ABCB10: variants seen among roughly 807,000 people sequenced by gnomAD.
ABCB10 encodes ATP-binding cassette sub-family B member 10, mitochondrial.
A neutral mutation model predicts 65.4 loss-of-function variants in ABCB10; 54 were observed. The ratio of observed to expected loss-of-function variants is 0.83; its 90% confidence interval spans 0.66 to 1.04. ABCB10 has a LOEUF of 1.04. Ranked by LOEUF, ABCB10 falls within the 50% of genes least tolerant of loss-of-function variation. The probability of loss-of-function intolerance (pLI) is 0.00; values close to 1 mark genes in which losing one functional copy is unlikely to be tolerated. For synonymous variants in ABCB10, 418 were observed against 406.5 expected, an observed-to-expected ratio of 1.03 and a Z score of -0.34; for missense variants, 846 against 976.6, an observed-to-expected ratio of 0.87 and a Z score of 1.78.
intron 6 of ABCB10, among the ~76,000 whole-genome samples, chr1:229,533,106 C>G (rs1468165785): frequency 3.3e-5 from 5 of 152,046 alleles, no homozygotes; most frequent in African/African-American, 1.2e-4. Flanking sequence ...CGTCCCTGGT[C>G]TCTAGCCATC....
At chr1:229,549,561 T>C (rs1200468607) in intron 1 of ABCB10, 127 bp from the exon 2 acceptor site, 16 of 897,564 alleles carry the variant, frequency 1.8e-5, no homozygotes, top group Non-Finnish European at 2.6e-5. Context: ...CTCTAGCAGT[T>C]TCCTCCCTTT....
intron 1 of ABCB10, among the ~76,000 whole-genome samples, chr1:229,554,948 C>A (rs1158199904): frequency 1.3e-5 from 2 of 152,198 alleles, no homozygotes; most frequent in Non-Finnish European, 2.9e-5. Context: ...GCAAAAGCTG[C>A]CAGCAGGCTT....
In ABCB10 at chr1:229,540,671, T is replaced by A; in HGVS notation, c.1138A>T (p.Lys380Ter). Residue 380 changes from lysine to a stop codon, truncating the protein, a stop_gained, in exon 5 of 13, where the codon AAA becomes TAA. Coordinates refer to ENST00000344517, the MANE Select transcript of ABCB10 (RefSeq NM_012089.3). LOFTEE classifies it high-confidence loss of function. ...GCTAACTGCATTACATGGTCCACTT[T>A]GCTGGCATATTTCTCGATTTCAGTC... ...EMTEIEKYAS[K>*]VDHVMQLARK... 6.2e-7 allele frequency: 1 copy of A among 1,613,022 alleles called. No individual in the cohort carries two copies. Among genetic ancestry groups the A allele is most frequent in the East Asian group, 2.2e-5 (1 of 44,878 alleles).
chr1:229,548,596 G>C (rs960490654), intron 2 of ABCB10, among the ~76,000 whole-genome samples: 1 of 152,128 alleles, frequency 6.6e-6, no homozygotes, highest in Non-Finnish European at 1.5e-5. Flanking sequence ...CATGTAAATG[G>C]GTTTCTGAAG....
In ABCB10 at chr1:229,531,636, C is replaced by T. The variant is rs192614060; in HGVS notation, c.1435G>A (p.Glu479Lys). 5.4e-5 allele frequency: 87 copies of T among 1,613,632 alleles called. No individual in the cohort carries two copies. Among genetic ancestry groups the T allele is most frequent in the South Asian group, 2.1e-4 (19 of 91,048 alleles). Residue 479 changes from glutamate (E) to lysine (K), a missense_variant and splice_region_variant, in exon 7 of 13, where the codon GAG (glutamate) becomes AAG (lysine). Physicochemically the swap from Glu to Lys is moderately conservative, Grantham distance 56 (BLOSUM62 1). This residue lies in a region of ABCB10 where 632 missense variants were observed against 803.2 expected (regional missense o/e 0.79). Coordinates refer to ENST00000344517, the MANE Select transcript of ABCB10 (RefSeq NM_012089.3). ...GCAAAGAAACAATTTTCAGACCCAC[C>T]GTTAAAAGGCAGCTTGGGCTCTCTC... The part of the protein sequence containing the change: ...LEREPKLPFN[E>K]GVILNEKSFQ...
intron 10 of ABCB10, among the ~76,000 whole-genome samples, chr1:229,524,432 G>A (rs1160111101): frequency 6.6e-6 from 1 of 152,006 alleles, no homozygotes; most frequent in Non-Finnish European, 1.5e-5. Flanking sequence ...CAGAGTGCTA[G>A]GACTACAGGC....
intron 3 of ABCB10, among the ~76,000 whole-genome samples, chr1:229,543,371 T>C (rs1362026969): frequency 6.6e-6 from 1 of 152,204 alleles, no homozygotes; most frequent in East Asian, 1.9e-4. Flanking sequence ...ATTTGGTGAT[T>C]GTACTTTCAA....
chr1:229,556,598 G>A (rs1391968651), intron 1 of ABCB10, among the ~76,000 whole-genome samples: 3 of 152,158 alleles, frequency 2.0e-5, no homozygotes, highest in Non-Finnish European at 2.9e-5. Flanking sequence ...GATATCTGGG[G>A]ACAGAGTGAG....
At position 229,525,972 on chromosome 1, in the gene ABCB10, T is replaced by C. The variant is rs1312813336; in HGVS notation, c.1870A>G (p.Asn624Asp). The change falls in exon 10 of 13, where the codon AAC becomes GAC. Residue 624 changes from asparagine to aspartate, a missense_variant. Transcript: ENST00000344517. ...AFIRNFPQGF[N>D]TVVGEKGVLL... Reference sequence around the variant, plus strand: ...ACACCCTTTTCTCCAACCACAGTGTTGAACCCTTGGGGGAAATTCCGGATG... The same window carrying C: ...ACACCCTTTTCTCCAACCACAGTGTCGAACCCTTGGGGGAAATTCCGGATG... The C allele has an allele frequency of 2.5e-6, 4 of 1,614,212 alleles. No homozygotes were observed. The highest frequency in any genetic ancestry group is 4.5e-5 in the East Asian group (2 of 44,880).
At chr1:229,525,291 C>G (rs1662413517) in intron 10 of ABCB10, among the ~76,000 whole-genome samples, 1 of 152,142 alleles carries the variant, frequency 6.6e-6, no homozygotes, top group African/African-American at 2.4e-5. Context: ...GGCAAATCAT[C>G]CTGCCACTTC....
chr1:229,532,067 C>A (rs557267978), intron 6 of ABCB10, among the ~76,000 whole-genome samples: 1 of 151,790 alleles, frequency 6.6e-6, no homozygotes, highest in Non-Finnish European at 1.5e-5. Flanking sequence ...ATTCTCCTGC[C>A]TTAGCCTCCC....
At position 229,522,858 on chromosome 1, in the gene ABCB10, T is replaced by TTC. The variant is rs1173248651; in HGVS notation, c.1907-1224_1907-1223insGA. 1.4e-4 allele frequency among the ~76,000 whole-genome samples: 21 copies of TTC among 152,300 alleles called. No homozygotes were observed. The East Asian group carries it at 3.7e-3, about 27-fold the overall frequency. On this transcript the variant is annotated intron_variant, in intron 10 of 12. Transcript: ENST00000344517. Reference sequence around the variant, plus strand: ...TCCCACATTATAGCAATTCTTTTTTTATTTTTTTTGAGACAAGAGTCTTGC... The same window carrying TTC: ...TCCCACATTATAGCAATTCTTTTTTTTCATTTTTTTTGAGACAAGAGTCTTGC...
chr1:229,531,946 AGTTT>A, intron 6 of ABCB10: 1 of 219,736 alleles, frequency 4.6e-6, no homozygotes, highest in Non-Finnish European at 8.4e-6. Context: ...CCAGTTTCAT[AGTTT>A]TTTTTTTTTT....
intron 3 of ABCB10, among the ~76,000 whole-genome samples, chr1:229,543,196 A>ATT: frequency 6.6e-6 from 1 of 152,070 alleles, no homozygotes; most frequent in African/African-American, 2.4e-5. Flanking sequence ...GGACACAACT[A>ATT]ACAAGTCGAA....
chr1:229,550,681 T>C (rs1571978567), intron 1 of ABCB10, among the ~76,000 whole-genome samples: 4 of 147,864 alleles, frequency 2.7e-5, no homozygotes, highest in African/African-American at 1.0e-4. Context: ...GGTGAAACCC[T>C]GTCTCTACTA....
chr1:229,547,974 C>A (rs1289219093), intron 2 of ABCB10, among the ~76,000 whole-genome samples: 1 of 151,778 alleles, frequency 6.6e-6, no homozygotes, highest in Non-Finnish European at 1.5e-5. Context: ...ATAAATATAA[C>A]ATGACTCAGA....
chr1:229,535,728 TC>T, intron 6 of ABCB10, among the ~76,000 whole-genome samples: 1 of 144,392 alleles, frequency 6.9e-6, no homozygotes, highest in East Asian at 2.0e-4. Context: ...CAATGTAGGC[TC>T]TTTTTTTTTT....
chr1:229,553,594 T>G (rs1421858540), intron 1 of ABCB10, among the ~76,000 whole-genome samples: 1 of 151,834 alleles, frequency 6.6e-6, no homozygotes, highest in Non-Finnish European at 1.5e-5. Context: ...TGGTTGGATG[T>G]GAGCATTTTT....
chr1:229,539,241 A>ATCCCCAAACT (rs1662786875), intron 6 of ABCB10, among the ~76,000 whole-genome samples: 1 of 152,214 alleles, frequency 6.6e-6, no homozygotes, highest in Non-Finnish European at 1.5e-5. Context: ...GCCTGCAAAG[A>ATCCCCAAACT]TCCCCAAACT....
Sources: allele counts gnomAD v4.1 joint callset (sites outside exome capture counted in the v4.1 genomes callset), GRCh38; gene constraint gnomAD v4.1.1; regional missense constraint gnomAD v4.1.1; transcripts MANE v1.5; gene names NCBI Gene and HGNC (gene_info 2026-07-23, HGNC 2026-07-21).